The following NEDD9 variants were observed in gnomAD, a reference collection of about 807,000 sequenced individuals.
NEDD9 encodes the protein enhancer of filamentation 1.
NEDD9 carries 26 observed loss-of-function variants against 76.6 expected under a neutral mutation model. The observed-to-expected ratio is 0.34, with a 90% CI of 0.25 to 0.47. The LOEUF is 0.47. Ranked by LOEUF, NEDD9 falls within the 20% of genes least tolerant of loss-of-function variation. The pLI is 1.00. For missense variants in NEDD9, 937 were observed against 1,058.5 expected (o/e 0.89, Z 1.59); for synonymous variants, 392 against 414.2 (o/e 0.95, Z 0.65).
intron 2 of NEDD9, among the ~76,000 whole-genome samples, chr6:11,312,169 C>T (rs760798359): frequency 1.3e-5 from 2 of 152,074 alleles, no homozygotes; most frequent in South Asian, 2.1e-4. Flanking sequence ...GACAGCTCCC[C>T]GTGATGCCCC....
At chr6:11,189,623 C>T (rs770746947) in intron 5 of NEDD9, among the ~76,000 whole-genome samples, 1 of 152,060 alleles carries the variant, frequency 6.6e-6, no homozygotes, top group Non-Finnish European at 1.5e-5. Flanking sequence ...GGCCTATTAT[C>T]CTACTTGGTG....
chr6:11,200,789 T>C, intron 2 of NEDD9: 1 of 1,431,520 alleles, frequency 7.0e-7, no homozygotes, highest in Non-Finnish European at 9.1e-7. Flanking sequence ...TTTTCTGCTG[T>C]TCGTATCAGT....
intron 3 of NEDD9, among the ~76,000 whole-genome samples, chr6:11,254,611 A>G (rs1759969715): frequency 6.6e-6 from 1 of 152,148 alleles, no homozygotes; most frequent in Non-Finnish European, 1.5e-5. Context: ...AAAACCCTGT[A>G]TTTTTATTTG....
intron 2 of NEDD9, among the ~76,000 whole-genome samples, chr6:11,309,101 C>A (rs1332339987): frequency 6.6e-6 from 1 of 152,172 alleles, no homozygotes; most frequent in African/African-American, 2.4e-5. Context: ...TGTCACTTGG[C>A]ACTCCTATAC....
At chr6:11,354,544 T>G (rs1762531144) in intron 1 of NEDD9, among the ~76,000 whole-genome samples, 1 of 152,230 alleles carries the variant, frequency 6.6e-6, no homozygotes. Context: ...TGGAGCTGCA[T>G]GCTGTTGCCC....
chr6:11,279,883 C>A (rs1342282492), intron 3 of NEDD9, among the ~76,000 whole-genome samples: 2 of 152,180 alleles, frequency 1.3e-5, no homozygotes, highest in African/African-American at 4.8e-5. Flanking sequence ...ACCTTGAAAA[C>A]ACAGATTTCA....
At chr6:11,203,320 A>G (rs1432936699) in intron 2 of NEDD9, among the ~76,000 whole-genome samples, 1 of 152,220 alleles carries the variant, frequency 6.6e-6, no homozygotes, top group Non-Finnish European at 1.5e-5. Flanking sequence ...TTGATGTCCA[A>G]ATAAATTCAA....
intron 3 of NEDD9, among the ~76,000 whole-genome samples, chr6:11,291,267 GTTTTTTTTTTTTTTT>G (rs869185428): frequency 2.1e-5 from 2 of 95,824 alleles, no homozygotes; most frequent in African/African-American, 1.0e-4. Flanking sequence ...ATAGAATGAG[GTTTTTTTTTTTTTTT>G]TTTTTTTTTT....
chr6:11,187,678 T>C (rs1758013635), intron 6 of NEDD9, among the ~76,000 whole-genome samples: 1 of 152,174 alleles, frequency 6.6e-6, no homozygotes, highest in Non-Finnish European at 1.5e-5. Flanking sequence ...AAGCCATCTA[T>C]AGAAGTTCTG....
chr6:11,272,315 G>A (rs1360786581), intron 3 of NEDD9, among the ~76,000 whole-genome samples: 1 of 152,110 alleles, frequency 6.6e-6, no homozygotes, highest in Non-Finnish European at 1.5e-5. Flanking sequence ...TAGAAGAGAG[G>A]GGCGACTCAG....
chr6:11,327,464 G>A (rs1761950519), intron 2 of NEDD9, among the ~76,000 whole-genome samples: 1 of 152,162 alleles, frequency 6.6e-6, no homozygotes, highest in South Asian at 2.1e-4. Flanking sequence ...GAACAGTTCT[G>A]ACACCATTTT....
At chr6:11,327,726 T>G (rs1008608504) in intron 2 of NEDD9, among the ~76,000 whole-genome samples, 1 of 152,232 alleles carries the variant, frequency 6.6e-6, no homozygotes, top group South Asian at 2.1e-4. Context: ...AGAGGGCCTG[T>G]GTGAAGATGT....
chr6:11,363,375 G>A (rs369000038), intron 1 of NEDD9, among the ~76,000 whole-genome samples: 28 of 152,216 alleles, frequency 1.8e-4, no homozygotes, highest in East Asian at 9.6e-4. Context: ...CAATTACGGC[G>A]AGATGATTCA....
upstream of NEDD9, among the ~76,000 whole-genome samples, chr6:11,237,289 C>A (rs561317188): frequency 6.6e-6 from 1 of 152,254 alleles, no homozygotes; most frequent in African/African-American, 2.4e-5. The surrounding 1 kb of genome is among the most constrained non-coding windows in gnomAD (Gnocchi z 4.9). Context: ...CATCTGTGTC[C>A]CCTGTCCTGT....
intron 1 of NEDD9, among the ~76,000 whole-genome samples, chr6:11,339,350 A>T (rs1464474745): frequency 6.6e-6 from 1 of 150,902 alleles, no homozygotes; most frequent in Non-Finnish European, 1.5e-5. Context: ...TTCTCAATCA[A>T]AACAAACAGC....
chr6:11,316,535 T>C (rs1250513347), intron 2 of NEDD9, among the ~76,000 whole-genome samples: 1 of 152,212 alleles, frequency 6.6e-6, no homozygotes, highest in Non-Finnish European at 1.5e-5. Flanking sequence ...ACTGTTGCAA[T>C]TGTCTTCATA....
chr6:11,325,359 A>C (rs1761901787), intron 2 of NEDD9, among the ~76,000 whole-genome samples: 1 of 152,014 alleles, frequency 6.6e-6, no homozygotes, highest in Non-Finnish European at 1.5e-5. Flanking sequence ...TGTCTCAAAA[A>C]AAAAAAAAAA....
intron 3 of NEDD9, among the ~76,000 whole-genome samples, chr6:11,239,959 G>A (rs142677296): frequency 0.02 from 2,944 of 150,076 alleles, 44 homozygotes; most frequent in East Asian, 0.085. Context: ...CAGGAGAATC[G>A]CTTGAACCCG....
At chr6:11,188,125 T>A (rs1408136419) in intron 6 of NEDD9, 93 bp downstream of exon 6, 3 of 1,010,358 alleles carry the variant, frequency 3.0e-6, no homozygotes, top group Admixed American at 1.8e-5. Context: ...GCTGGAAGAA[T>A]CAAAATCATA....
Sources: gnomAD v4.1 joint callset for allele counts (sites outside exome capture counted in the v4.1 genomes callset) on GRCh38, gnomAD v4.1.1 for gene constraint, Gnocchi (gnomAD v3.1) non-coding constraint, MANE v1.5 for transcripts, NCBI Gene and HGNC (gene_info 2026-07-23, HGNC 2026-07-21) for gene names.